ASB14: variants seen among roughly 807,000 people sequenced by gnomAD.
ASB14 encodes ankyrin repeat and SOCS box containing 14.
A neutral mutation model predicts 55.6 loss-of-function variants in ASB14; 63 were observed. That is an observed-to-expected ratio of 1.13 (90% CI 0.92 to 1.40). The LOEUF is 1.40. ASB14 is among the 40% of genes most tolerant of loss of function. The pLI is 0.00. For synonymous variants in ASB14, 256 were observed against 259.9 expected, an observed-to-expected ratio of 0.98 and a Z score of 0.15; for missense variants, 724 against 710.4, an observed-to-expected ratio of 1.02 and a Z score of -0.22.
Position 57,288,260 on chromosome 3 carries a change from T to G in ASB14, c.205A>C (p.Thr69Pro). The change falls in exon 4 of 11, where the codon ACC becomes CCC. Residue 69 changes from threonine to proline, a missense_variant. Physicochemically the swap from Thr to Pro is conservative, Grantham distance 38. Coordinates refer to ENST00000487349, the MANE Select transcript of ASB14 (RefSeq NM_001142733.3). Reference sequence around the variant, plus strand: ...TCACCAAATGCGGAATGGTACTTGGTTAAGTGTGACAATGCATCTTCCTTA... The same window carrying G: ...TCACCAAATGCGGAATGGTACTTGGGTAAGTGTGACAATGCATCTTCCTTA... ...KGKEDALSHL[T>P]KYHSAFGEAD... 6.5e-7 allele frequency: 1 copy of G among 1,537,200 alleles called. No individual in the cohort carries two copies. The highest frequency in any genetic ancestry group is 8.7e-7 in the Non-Finnish European group (1 of 1,146,686).
At chr3:57,278,336 A>T in intron 8 of ASB14, 41 bp downstream of exon 8, 1 of 1,533,156 alleles carries the variant, frequency 6.5e-7, no homozygotes, top group South Asian at 1.2e-5. Flanking sequence ...AGGGCCACAA[A>T]TAATGACTGT....
At chr3:57,281,323 T>A (rs893991303) in intron 6 of ASB14, among the ~76,000 whole-genome samples, 16 of 138,440 alleles carry the variant, frequency 1.2e-4, no homozygotes, top group Non-Finnish European at 2.4e-4. Flanking sequence ...TTCTAGAAGA[T>A]CTAGGGCTGG....
Position 57,277,846 on chromosome 3 carries a change from A to G in ASB14, c.1506T>C (p.Val502=), listed in dbSNP as rs768489899. The change falls in exon 9 of 11, where the codon GTT becomes GTC. Residue 502 remains valine, a synonymous_variant. Coordinates refer to ENST00000487349, the MANE Select transcript of ASB14 (RefSeq NM_001142733.3). ...GKVVRVMLDY[V]DQVRICSKLK... ...ACTTTGAACAGATCCGAACTTGATC[A>G]ACATAATCAAGCATCACTCGAACAA... The G allele has an allele frequency of 1.9e-6, 3 of 1,614,016 alleles. No individual in the cohort carries two copies. The highest frequency in any genetic ancestry group is 2.5e-6 in the Non-Finnish European group (3 of 1,179,894).
chr3:57,283,141 C>A (rs1218402145), intron 6 of ASB14, 53 bp downstream of exon 6: 18 of 1,540,440 alleles, frequency 1.2e-5, no homozygotes, highest in Non-Finnish European at 1.5e-5. Flanking sequence ...AAGAGGAGAA[C>A]CCCTGGATCA....
chr3:57,290,417 C>G (rs994742603), intron 2 of ASB14, among the ~76,000 whole-genome samples: 2 of 152,220 alleles, frequency 1.3e-5, no homozygotes, highest in East Asian at 1.9e-4. Flanking sequence ...CTTAAAGATC[C>G]TGTGTTACAC....
At chr3:57,276,796 A>T (rs1004691060) in intron 9 of ASB14, 68 bp from the exon 10 acceptor site, 2 of 1,425,690 alleles carry the variant, frequency 1.4e-6, no homozygotes, top group Middle Eastern at 3.6e-4. Context: ...GGGTTTTGTT[A>T]GCAAACGTAT....
intron 8 of ASB14, 115 bp downstream of exon 8, chr3:57,278,262 A>G (rs1054973858): frequency 1.4e-5 from 10 of 717,872 alleles, no homozygotes; most frequent in Non-Finnish European, 2.3e-5. Flanking sequence ...TAATTATTAT[A>G]CTAGGATCTC....
intron 10 of ASB14, chr3:57,270,390 C>T (rs956044918): frequency 2.0e-4 from 31 of 152,588 alleles, no homozygotes; most frequent in African/African-American, 6.0e-4. Flanking sequence ...TCTTAGTTCT[C>T]AGGTTGGGAC....
intron 5 of ASB14, among the ~76,000 whole-genome samples, chr3:57,284,349 TA>T (rs2061063790): frequency 6.6e-6 from 1 of 152,100 alleles, no homozygotes; most frequent in African/African-American, 2.4e-5. Flanking sequence ...AGGCTGGTCT[TA>T]AACCCCTGGG....
At chr3:57,277,199 A>C (rs1395752932) in intron 9 of ASB14, among the ~76,000 whole-genome samples, 1 of 149,888 alleles carries the variant, frequency 6.7e-6, no homozygotes, top group Non-Finnish European at 1.5e-5. Context: ...CCCAGGAGGC[A>C]GAGGTTGCAG....
At chr3:57,276,454 T>C in intron 10 of ASB14, 74 bp downstream of exon 10, 1 of 1,101,346 alleles carries the variant, frequency 9.1e-7, no homozygotes, top group Non-Finnish European at 1.3e-6. Flanking sequence ...ATTGAGATTT[T>C]AGTTGGTGGG....
chr3:57,289,984 G>A (rs1055357459), intron 2 of ASB14, among the ~76,000 whole-genome samples: 2 of 152,088 alleles, frequency 1.3e-5, no homozygotes, highest in African/African-American at 4.8e-5. Flanking sequence ...CCAGGTTGAG[G>A]AGAATAAATT....
intron 10 of ASB14, among the ~76,000 whole-genome samples, chr3:57,274,673 C>T (rs998275663): frequency 3.3e-5 from 5 of 151,952 alleles, no homozygotes; most frequent in African/African-American, 7.3e-5. Context: ...GGTGACAGGG[C>T]GAGACTCCAT....
rs2060918794 is a variant in ASB14 at position 57,269,359 on chromosome 3, G to A, written c.*282C>T. The A allele has an allele frequency of 5.7e-6, 3 of 523,578 alleles. No homozygotes were observed. The highest frequency in any genetic ancestry group is 9.8e-6 in the Non-Finnish European group (3 of 306,114). The allele number at this position is 523,578 out of a possible 1,614,324, so 32.4% of individuals were successfully genotyped here. ...GTTTGAATGCTGGCTTTTATAGGAT[G>A]GTGCCAAAATTCATTTTGGTGTTGT... On this transcript the variant is annotated 3_prime_UTR_variant, in exon 11 of 11. Transcript: ENST00000487349.
At chr3:57,279,242 TC>T (rs1435918852) in intron 7 of ASB14, among the ~76,000 whole-genome samples, 3 of 150,156 alleles carry the variant, frequency 2.0e-5, no homozygotes, top group Non-Finnish European at 4.4e-5. Flanking sequence ...TTCTAGTTCT[TC>T]CTAGTTGGTC....
At chr3:57,287,749 T>C (rs935495833) in intron 5 of ASB14, among the ~76,000 whole-genome samples, 152 bp downstream of exon 5, 3 of 152,108 alleles carry the variant, frequency 2.0e-5, no homozygotes, top group Non-Finnish European at 2.9e-5. Flanking sequence ...GGCCAGCCTA[T>C]GGAAAGCTTC....
chr3:57,281,497 A>G (rs2061039916), intron 6 of ASB14, among the ~76,000 whole-genome samples: 1 of 152,202 alleles, frequency 6.6e-6, no homozygotes, highest in African/African-American at 2.4e-5. Context: ...CATATAAAAA[A>G]GATGTAGTGA....
chr3:57,277,159 C>T (rs180691945), intron 9 of ASB14, among the ~76,000 whole-genome samples: 2 of 151,436 alleles, frequency 1.3e-5, no homozygotes, highest in Non-Finnish European at 2.9e-5. Flanking sequence ...CTCAGCTACT[C>T]GTGAGACTGA....
chr3:57,270,691 T>C lies in ASB14; in HGVS notation c.*23-1073A>G, dbSNP rs975245765. 4 of 152,644 alleles carry C rather than the reference T, an allele frequency of 2.6e-5. No individual in the cohort carries two copies. The East Asian group carries it at 7.7e-4, about 29-fold the overall frequency. 9.5% of individuals were successfully genotyped at this position (152,644 alleles called of 1,614,324 possible). On this transcript the variant is annotated intron_variant, in intron 10 of 10. Transcript: ENST00000487349. ...TGATATATTCCCAGTATTTTCATAA[T>C]GCCATGTTTTGATAAAGTACTGAAT...
Sources: gnomAD v4.1 joint callset for allele counts (sites outside exome capture counted in the v4.1 genomes callset) on GRCh38, gnomAD v4.1.1 for gene constraint, MANE v1.5 for transcripts, NCBI Gene and HGNC (gene_info 2026-07-23, HGNC 2026-07-21) for gene names.